Variants in GLB1L3 observed in about 807,000 individuals in gnomAD.
GLB1L3 encodes the protein galactosidase beta 1 like 3, also known as beta-galactosidase-1-like protein 3.
A neutral mutation model predicts 89.5 loss-of-function variants in GLB1L3; 89 were observed. The ratio of observed to expected loss-of-function variants is 0.99; its 90% CI spans 0.84 to 1.19. GLB1L3 has a LOEUF of 1.19. Among genes scored for constraint, GLB1L3 ranks in the 50% most tolerant of loss-of-function variants. The probability of loss-of-function intolerance (pLI) is 0.00; values close to 1 mark genes in which losing one functional copy is unlikely to be tolerated. For synonymous variants in GLB1L3, 314 were observed against 312.3 expected (o/e 1.01, Z -0.06); for missense variants, 812 against 813.3 (o/e 1.00, Z 0.02).
chr11:134,297,242 T>C (rs1001578965), intron 9 of GLB1L3, among the ~76,000 whole-genome samples: 4 of 152,202 alleles, frequency 2.6e-5, no homozygotes, highest in African/African-American at 9.7e-5. Flanking sequence ...CTTTATCCTT[T>C]TGCTTTTTAT....
At chr11:134,292,256 C>G (rs1259417116) in intron 8 of GLB1L3, 43 bp downstream of exon 8, 1 of 1,444,178 alleles carries the variant, frequency 6.9e-7, no homozygotes, top group Non-Finnish European at 9.7e-7. Flanking sequence ...GGGCTCTCAG[C>G]CAGCCCGTGT....
At chr11:134,294,391 C>T (rs969028659) in intron 9 of GLB1L3, among the ~76,000 whole-genome samples, 3 of 152,190 alleles carry the variant, frequency 2.0e-5, no homozygotes, top group Admixed American at 1.3e-4. Flanking sequence ...TATACAGTTT[C>T]CAACTCGGTG....
rs1377425979 is a variant in GLB1L3 at position 134,277,755 on chromosome 11, G to C, written c.205G>C (p.Gly69Arg). ...LELKNRSVGL[G>R]TESTGRGKPH... ...GCTGAAGAATCGATCTGTGGGACTTGGAACTGAAAGCACAGGTCGGGGTAA... is the reference window on the plus strand; with the variant it reads ...GCTGAAGAATCGATCTGTGGGACTTCGAACTGAAAGCACAGGTCGGGGTAA... The change falls in exon 3 of 20, where the codon GGA becomes CGA. Residue 69 changes from glycine (G) to arginine (R), a missense_variant. This residue lies in a region of GLB1L3 where 191 missense variants were observed against 191.4 expected (regional missense o/e 1.00). Coordinates refer to ENST00000431683, the MANE Select transcript of GLB1L3 (RefSeq NM_001080407.3). The C allele has an allele frequency of 6.2e-7, 1 of 1,613,680 alleles. No individual in the cohort carries two copies. Among genetic ancestry groups the C allele is most frequent in the East Asian group, 2.2e-5 (1 of 44,860 alleles).
In GLB1L3 at chr11:134,289,677, T is replaced by C. The variant is rs1329116623; in HGVS notation, c.729+787T>C. On this transcript the variant is annotated intron_variant, in intron 7 of 19. Transcript: ENST00000431683. ...CACTGTAAATAATGCTTCAAGAACTTAGTGATGGGACTCTCAGCTTGAAGC... is the reference window on the plus strand; with the variant it reads ...CACTGTAAATAATGCTTCAAGAACTCAGTGATGGGACTCTCAGCTTGAAGC... Among the ~76,000 whole-genome samples the C allele has an allele frequency of 3.3e-5, 5 of 152,180 alleles. No individual in the cohort carries two copies. The South Asian group carries it at 6.2e-4, about 19-fold the overall frequency.
chr11:134,316,697 A>G (rs1942995961), intron 18 of GLB1L3: 1 of 152,208 alleles, frequency 6.6e-6, no homozygotes, highest in Admixed American at 6.5e-5. Flanking sequence ...GAAGGTCTGC[A>G]AATTATCCTG....
intron 1 of GLB1L3, 141 bp downstream of exon 1, chr11:134,276,904 C>T (rs1940395543): frequency 4.0e-6 from 3 of 754,930 alleles, no homozygotes; most frequent in South Asian, 3.9e-5. Flanking sequence ...CCGCTGTCCC[C>T]AGCTTTCCTC....
rs1268646128 is a variant in GLB1L3, at chr11:134,298,746, G to A, written c.876+5537G>A. On this transcript the variant is annotated intron_variant, in intron 9 of 19. Coordinates refer to ENST00000431683, the MANE Select transcript of GLB1L3 (RefSeq NM_001080407.3). ...GAGGCCTCCCCAGCTATGTGGAACT[G>A]TAAGTCCAATTAAACCTCTTTTTCT... Among the ~76,000 whole-genome samples, 4 of 152,138 alleles carry A rather than the reference G, an allele frequency of 2.6e-5. 1 individual carries two copies. In the East Asian group the frequency reaches 7.7e-4, roughly 29 times the overall value.
intron 10 of GLB1L3, among the ~76,000 whole-genome samples, chr11:134,308,526 C>CCATCACCAT (rs1942502013): frequency 1.2e-5 from 1 of 84,792 alleles, no homozygotes; most frequent in Non-Finnish European, 2.7e-5. Flanking sequence ...ACCATGTCCA[C>CCATCACCAT]CACCACTACC....
At chr11:134,323,419 A>G (rs900352498), downstream of GLB1L3, among the ~76,000 whole-genome samples, 1 of 133,990 alleles carries the variant, frequency 7.5e-6, no homozygotes, top group African/African-American at 2.5e-5. Context: ...ACACACACAC[A>G]CACACAATTA....
chr11:134,289,989 C>T (rs1192564001), intron 7 of GLB1L3, among the ~76,000 whole-genome samples: 5 of 152,166 alleles, frequency 3.3e-5, no homozygotes, highest in African/African-American at 9.7e-5. Flanking sequence ...GGCTGGAGGC[C>T]GGGGCGGGAA....
chr11:134,305,523 A>C (rs1942163487), intron 9 of GLB1L3, among the ~76,000 whole-genome samples: 1 of 152,106 alleles, frequency 6.6e-6, no homozygotes, highest in African/African-American at 2.4e-5. Flanking sequence ...CCTTATTTTG[A>C]TTTGGAAGAT....
At chr11:134,315,731 G>A (rs1355331446) in intron 18 of GLB1L3, among the ~76,000 whole-genome samples, 1 of 152,032 alleles carries the variant, frequency 6.6e-6, no homozygotes, top group Non-Finnish European at 1.5e-5. Context: ...ATTGTTCAAA[G>A]TACAGTGTTT....
chr11:134,305,079 T>G, intron 9 of GLB1L3: 1 of 1,547,594 alleles, frequency 6.5e-7, no homozygotes, highest in Non-Finnish European at 8.7e-7. Context: ...AATTCTTATC[T>G]TTACCCATCT....
At chr11:134,310,221 A>G (rs1591585219) in intron 11 of GLB1L3, 1 of 362,148 alleles carries the variant, frequency 2.8e-6, no homozygotes, top group East Asian at 5.0e-5. Flanking sequence ...GATGAGCTTA[A>G]AAAAAAAACA....
At chr11:134,321,872 A>C (rs1565427739), downstream of GLB1L3, among the ~76,000 whole-genome samples, 1 of 151,826 alleles carries the variant, frequency 6.6e-6, no homozygotes, top group Non-Finnish European at 1.5e-5. Context: ...TACATATGTA[A>C]CAAACCTGCA....
intron 10 of GLB1L3, among the ~76,000 whole-genome samples, chr11:134,309,170 A>G (rs952037648): frequency 2.0e-5 from 3 of 152,194 alleles, no homozygotes; most frequent in Admixed American, 6.5e-5. Flanking sequence ...TTATTATTTA[A>G]TAGATGTAGT....
At position 134,318,554 on chromosome 11, in the gene GLB1L3, C is replaced by T. The variant is rs578233357; in HGVS notation, c.1780-77C>T. 1.4e-4 allele frequency: 119 copies of T among 828,812 alleles called. No individual in the cohort carries two copies. In the Middle Eastern group the frequency reaches 1.7e-3, roughly 12 times the overall value. 51.3% of individuals were successfully genotyped at this position (828,812 alleles called of 1,614,324 possible). ...TGCCATAAAGTATCTCAATCTTGCT[C>T]TCACTCTCCAAGTGCCTTAGGTTTT... On this transcript the variant is annotated intron_variant, in intron 18 of 19. Transcript: ENST00000431683.
At chr11:134,308,254 C>T (rs1255344222) in intron 10 of GLB1L3, among the ~76,000 whole-genome samples, 2 of 34,592 alleles carry the variant, frequency 5.8e-5, no homozygotes, top group Admixed American at 4.5e-4. Context: ...TCACCACCAT[C>T]ACCACCACCA....
chr11:134,318,582 C>G (rs751766883), intron 18 of GLB1L3, 49 bp from the exon 19 acceptor site: 6 of 1,168,948 alleles, frequency 5.1e-6, no homozygotes, highest in Non-Finnish European at 7.6e-6. Flanking sequence ...TAGGTTTTAC[C>G]TTGCTAATGT....
Sources: gnomAD v4.1 joint callset for allele counts (sites outside exome capture counted in the v4.1 genomes callset) on GRCh38, gnomAD v4.1.1 for gene constraint, gnomAD v4.1.1 regional missense constraint, MANE v1.5 for transcripts, NCBI Gene and HGNC (gene_info 2026-07-23, HGNC 2026-07-21) for gene names.